AGBL5: variants seen among roughly 807,000 people sequenced by gnomAD.
AGBL5 encodes AGBL carboxypeptidase 5, also known as cytosolic carboxypeptidase-like protein 5.
In AGBL5, 51 loss-of-function variants were observed where a neutral mutation model predicts 88.0. That is an observed-to-expected ratio of 0.58 (90% confidence interval 0.46 to 0.73). The LOEUF (loss-of-function observed/expected upper bound fraction) is 0.73. AGBL5 is among the 30% of genes least tolerant of loss of function. The pLI is 0.00. For missense variants in AGBL5, 1,031 were observed against 1,162.2 expected (o/e 0.89, Z 1.64); for synonymous variants, 446 against 438.8 (o/e 1.02, Z -0.21).
intron 8 of AGBL5, 82 bp from the exon 9 acceptor site, chr2:27,057,221 C>T: frequency 6.8e-7 from 1 of 1,473,274 alleles, no homozygotes. Context: ...TGATTGCCTC[C>T]TTTGACCACC....
At chr2:27,069,745 T>C in intron 14 of AGBL5, 39 bp downstream of exon 14, 1 of 1,576,808 alleles carries the variant, frequency 6.3e-7, no homozygotes, top group Non-Finnish European at 8.6e-7. Context: ...CACCCCTCAC[T>C]TCTGTCCCCT....
intron 5 of AGBL5, 126 bp downstream of exon 5, chr2:27,054,933 G>A (rs991858355): frequency 1.3e-6 from 2 of 1,490,330 alleles, no homozygotes; most frequent in African/African-American, 2.8e-5. Context: ...TGCGGCAAGG[G>A]TGATGGCCCC....
intron 7 of AGBL5, 45 bp downstream of exon 7, chr2:27,056,183 G>A (rs1234787309): frequency 6.3e-7 from 1 of 1,577,536 alleles, no homozygotes; most frequent in Non-Finnish European, 8.6e-7. Context: ...AGTGTTACAG[G>A]TTAGGAGATG....
At chr2:27,063,859 A>T (rs1052747287) in intron 11 of AGBL5, among the ~76,000 whole-genome samples, 2 of 152,100 alleles carry the variant, frequency 1.3e-5, no homozygotes, top group African/African-American at 2.4e-5. Flanking sequence ...GTACTATCCT[A>T]CCACCCCCAA....
At chr2:27,069,848 T>C in intron 14 of AGBL5, 142 bp downstream of exon 14, 1 of 1,455,906 alleles carries the variant, frequency 6.9e-7, no homozygotes, top group Non-Finnish European at 9.1e-7. Flanking sequence ...ATCTAGTCCC[T>C]GATTTTTTTT....
chr2:27,052,726 T>C (rs964866670), intron 1 of AGBL5, among the ~76,000 whole-genome samples, 187 bp from the exon 2 acceptor site: 7 of 152,202 alleles, frequency 4.6e-5, no homozygotes, highest in Admixed American at 4.6e-4. Context: ...CCCTTAGTGT[T>C]GGGGTACAGA....
chr2:27,069,719 G>C lies in AGBL5; in HGVS notation c.2489+13G>C. The C allele has an allele frequency of 1.2e-6, 2 of 1,606,502 alleles. No homozygotes were observed. The highest frequency in any genetic ancestry group is 1.7e-6 in the Non-Finnish European group (2 of 1,174,404). ...CTGCTACACCAGGGTGAGCACTTGG[G>C]TCCAGTCCCTCACACCACCCCTCAC... On this transcript the variant is annotated intron_variant, in intron 14 of 14. Transcript: ENST00000360131.
chr2:27,057,131 G>A, intron 8 of AGBL5, 172 bp from the exon 9 acceptor site: 1 of 658,862 alleles, frequency 1.5e-6, no homozygotes, highest in Non-Finnish European at 2.5e-6. Flanking sequence ...GGACTCTCTG[G>A]GTATATGGTA....
chr2:27,050,562 G>A (rs1047000517), upstream of AGBL5, among the ~76,000 whole-genome samples: 3 of 152,258 alleles, frequency 2.0e-5, no homozygotes, highest in Admixed American at 6.5e-5. Context: ...TTAAAAAGCC[G>A]GGAAGCTCAG....
At chr2:27,063,074 A>G (rs1426189405) in intron 11 of AGBL5, among the ~76,000 whole-genome samples, 2 of 152,350 alleles carry the variant, frequency 1.3e-5, no homozygotes, top group East Asian at 3.9e-4. Context: ...GCATCTGGAA[A>G]AGAGAGATAA....
Position 27,053,859 on chromosome 2 carries a change from G to C in AGBL5, c.388-37G>C. On this transcript the variant is annotated intron_variant, in intron 3 of 14. Transcript: ENST00000360131. The surrounding 1 kb of genome is among the most constrained non-coding windows in gnomAD (Gnocchi z 4.9). ...CAGTAGGAGCTCAGTTCTGACAATGGCATGTTGCCCCTCCCTCTTCCTCCT... is the reference window on the plus strand; with the variant it reads ...CAGTAGGAGCTCAGTTCTGACAATGCCATGTTGCCCCTCCCTCTTCCTCCT... 6.3e-7 allele frequency: 1 copy of C among 1,586,592 alleles called. No individual in the cohort carries two copies. Among genetic ancestry groups the C allele is most frequent in the African/African-American group, 1.3e-5 (1 of 74,604 alleles).
chr2:27,055,425 C>T, intron 6 of AGBL5, 172 bp downstream of exon 6: 1 of 1,023,448 alleles, frequency 9.8e-7, no homozygotes, highest in Non-Finnish European at 1.4e-6. Context: ...TAGTGGCACT[C>T]CCAGAAAGGA....
chr2:27,054,201 A>G, intron 4 of AGBL5, 142 bp downstream of exon 4: 1 of 1,041,604 alleles, frequency 9.6e-7, no homozygotes. Context: ...GACTTTGGGT[A>G]CCTTTGAAAA....
rs781641821 is a variant in AGBL5, at chr2:27,053,133, C to T, written c.175C>T (p.Arg59Ter). 1.2e-6 allele frequency: 2 copies of T among 1,609,388 alleles called. No homozygotes were observed. Among genetic ancestry groups the T allele is most frequent in the Non-Finnish European group, 1.7e-6 (2 of 1,177,054 alleles). The change falls in exon 2 of 15, where the codon CGA (arginine) becomes TGA (stop). Residue 59 changes from arginine (R) to a stop codon, truncating the protein, a stop_gained. Coordinates refer to ENST00000360131, the MANE Select transcript of AGBL5 (RefSeq NM_021831.6). LOFTEE classifies it high-confidence loss of function. This position sits in a 1 kb window ranked among gnomAD's most constrained non-coding sequence, Gnocchi z 4.9. Reference protein sequence around the residue: ...SPDYEFNVWTRPDCAETEFEN... With the variant: ...SPDYEFNVWT Reference sequence around the variant, plus strand: ...TGACTATGAATTCAACGTGTGGACCCGACCAGACTGTGCTGAAACGGAATT... The same window carrying T: ...TGACTATGAATTCAACGTGTGGACCTGACCAGACTGTGCTGAAACGGAATT...
intron 13 of AGBL5, 109 bp from the exon 14 acceptor site, chr2:27,069,464 A>G (rs1243232092): frequency 6.5e-7 from 1 of 1,532,194 alleles, no homozygotes; most frequent in Non-Finnish European, 8.8e-7. Context: ...CAGTACCTCT[A>G]CTGATCCCTA....
rs1669234707 is a variant in AGBL5, at chr2:27,070,480, C to CCA, written c.*220_*221dup. 3.8e-6 allele frequency: 2 copies of CCA among 520,010 alleles called. No individual in the cohort carries two copies. Among genetic ancestry groups the CCA allele is most frequent in the East Asian group, 6.0e-5 (2 of 33,578 alleles). 32.2% of individuals were successfully genotyped at this position (520,010 alleles called of 1,614,324 possible). ...CCCTCCGCAGCACAAGATTTTGGGACCACAAAAAAAAGTCTATATTTTTAT... is the reference window on the plus strand; with the variant it reads ...CCCTCCGCAGCACAAGATTTTGGGACCACACAAAAAAAAGTCTATATTTTTAT... On this transcript the variant is annotated 3_prime_UTR_variant, in exon 15 of 15. Coordinates refer to ENST00000360131, the MANE Select transcript of AGBL5 (RefSeq NM_021831.6).
intron 12 of AGBL5, 128 bp downstream of exon 12, chr2:27,067,774 G>T (rs552009148): frequency 9.6e-7 from 1 of 1,039,702 alleles, no homozygotes; most frequent in Middle Eastern, 2.0e-4. Context: ...TCTAACACTG[G>T]TGCCTTTGTA....
rs747191439 is a variant in AGBL5 at position 27,056,674 on chromosome 2, G to A, written c.1417G>A (p.Asp473Asn). The A allele has an allele frequency of 8.7e-6, 14 of 1,613,162 alleles. No homozygotes were observed. The highest frequency in any genetic ancestry group is 1.6e-4 in the Middle Eastern group (1 of 6,074). The change falls in exon 8 of 15, where the codon GAC (aspartate) becomes AAC (asparagine). Residue 473 changes from aspartate (D) to asparagine (N), a missense_variant. Asp to Asn is a conservative substitution (Grantham distance 23, BLOSUM62 1). Coordinates refer to ENST00000360131, the MANE Select transcript of AGBL5 (RefSeq NM_021831.6). ...KLISLNSAHF[D>N]FQGCNFSEKN... ...CATCTCCTTGAATTCAGCCCACTTCGACTTCCAGGGCTGCAATTTCTCAGA... is the reference window on the plus strand; with the variant it reads ...CATCTCCTTGAATTCAGCCCACTTCAACTTCCAGGGCTGCAATTTCTCAGA...
Position 27,057,240 on chromosome 2 carries a change from C to T in AGBL5, c.1536-63C>T, listed in dbSNP as rs192886059. 4 of 1,525,504 alleles carry T rather than the reference C, an allele frequency of 2.6e-6. No individual in the cohort carries two copies. In the Admixed American group the frequency reaches 6.2e-5, roughly 24 times the overall value. 94.5% of individuals were successfully genotyped at this position (1,525,504 alleles called of 1,614,324 possible). A position where few individuals can be genotyped will look rare whatever the true frequency, so the allele number is the denominator to read the frequency against. On this transcript the variant is annotated intron_variant, in intron 8 of 14. Coordinates refer to ENST00000360131, the MANE Select transcript of AGBL5 (RefSeq NM_021831.6). The stretch of plus-strand genomic sequence containing the variant: ...TGCCTCCTTTGACCACCTAAGTTGT[C>T]CTCTATGGTTCTGTCCTGGTATCTG...
Sources: allele counts gnomAD v4.1 joint callset (sites outside exome capture counted in the v4.1 genomes callset), GRCh38; gene constraint gnomAD v4.1.1; non-coding constraint Gnocchi (gnomAD v3.1); transcripts MANE v1.5; gene names NCBI Gene and HGNC (gene_info 2026-07-23, HGNC 2026-07-21).